STEAP2: variants seen among roughly 807,000 people sequenced by gnomAD.
The protein encoded by STEAP2 is metalloreductase STEAP2.
STEAP2 carries 30 observed loss-of-function variants against 46.4 expected under a neutral mutation model. The observed-to-expected ratio is 0.65, with a 90% confidence interval of 0.48 to 0.88. The LOEUF (loss-of-function observed/expected upper bound fraction) is 0.88. Ranked by LOEUF, STEAP2 falls within the 40% of genes least tolerant of loss-of-function variation. The pLI is 0.00. For missense variants in STEAP2, 513 were observed against 579.3 expected (o/e 0.89, Z 1.18); for synonymous variants, 180 against 200.5 (o/e 0.90, Z 0.86).
At chr7:90,232,188 A>G in intron 5 of STEAP2, 149 bp from the exon 6 acceptor site, 1 of 865,806 alleles carries the variant, frequency 1.2e-6, no homozygotes, top group Non-Finnish European at 1.5e-6. Context: ...ATATTATTTA[A>G]TTCAGTAGAG....
In STEAP2 at chr7:90,234,111, A is replaced by G. The variant is rs1795870081; in HGVS notation, c.*1487A>G. ...TCCTGAGAAGTTCTCCTGCCTGCATAACCATTCATTAGGGAGTACTTTACA... is the reference window on the plus strand; with the variant it reads ...TCCTGAGAAGTTCTCCTGCCTGCATGACCATTCATTAGGGAGTACTTTACA... On this transcript the variant is annotated 3_prime_UTR_variant, in exon 6 of 6. Transcript: ENST00000394621. 1 of 985,260 alleles carries G rather than the reference A, an allele frequency of 1.0e-6. No individual in the cohort carries two copies. The highest frequency in any genetic ancestry group is 6.2e-5 in the Admixed American group (1 of 16,260). The allele number at this position is 985,260 out of a possible 1,614,324, so 61.0% of individuals were successfully genotyped here. A position where few individuals can be genotyped will look rare whatever the true frequency, so the allele number is the denominator to read the frequency against.
chr7:90,222,229 G>GGTA lies in STEAP2; in HGVS notation c.-33-2821_-33-2820insGTA, dbSNP rs747553214. On this transcript the variant is annotated intron_variant, in intron 2 of 5. Coordinates refer to ENST00000394621, the MANE Select transcript of STEAP2 (RefSeq NM_001244944.2). Reference sequence around the variant, plus strand: ...TCCTACCCTGGTACCTCTGACTCCTGCCTGCCTTTCTGGGTGCATGGACCA... The same window carrying GGTA: ...TCCTACCCTGGTACCTCTGACTCCTGGTACCTGCCTTTCTGGGTGCATGGACCA... Among the ~76,000 whole-genome samples the GGTA allele has an allele frequency of 2.5e-4, 38 of 152,076 alleles. No individual in the cohort carries two copies. In the Middle Eastern group the frequency reaches 0.024, roughly 95 times the overall value.
chr7:90,222,008 A>G (rs1490069932), intron 2 of STEAP2, among the ~76,000 whole-genome samples: 1 of 152,186 alleles, frequency 6.6e-6, no homozygotes, highest in Admixed American at 6.5e-5. Flanking sequence ...ACTCAGAAGA[A>G]CTCCAGGCTG....
chr7:90,237,416 A>G lies in STEAP2; in HGVS notation c.*4792A>G. ...TGATTTTCCATTGTCAATTAGTTAT[A>G]CTCATTTTCCTGCCTTGATCTTTCA... On this transcript the variant is annotated 3_prime_UTR_variant, in exon 6 of 6. Transcript: ENST00000394621. The G allele has an allele frequency of 6.5e-6, 1 of 154,620 alleles. No individual in the cohort carries two copies. Among genetic ancestry groups the G allele is most frequent in the East Asian group, 1.9e-4 (1 of 5,198 alleles). 9.6% of individuals were successfully genotyped at this position (154,620 alleles called of 1,614,324 possible). A position where few individuals can be genotyped will look rare whatever the true frequency, so the allele number is the denominator to read the frequency against.
chr7:90,223,589 G>A (rs944298551), intron 2 of STEAP2, among the ~76,000 whole-genome samples: 3 of 152,156 alleles, frequency 2.0e-5, no homozygotes, highest in African/African-American at 4.8e-5. Context: ...ATATGCTTGC[G>A]CTCTGAACTC....
At chr7:90,238,038 G>A (rs1190724949), downstream of STEAP2, 4 of 715,552 alleles carry the variant, frequency 5.6e-6, no homozygotes, top group Admixed American at 2.0e-5. Flanking sequence ...TTATCATCCC[G>A]CATCCATGCA....
At chr7:90,219,966 A>C (rs1246226703) in intron 2 of STEAP2, among the ~76,000 whole-genome samples, 2 of 152,154 alleles carry the variant, frequency 1.3e-5, no homozygotes, top group Non-Finnish European at 2.9e-5. Context: ...GCTTCAATCC[A>C]TCCTCCTGCA....
downstream of STEAP2, among the ~76,000 whole-genome samples, chr7:90,241,667 T>C (rs1407800331): frequency 6.6e-6 from 1 of 152,188 alleles, no homozygotes; most frequent in African/African-American, 2.4e-5. Context: ...ACGATTCTGA[T>C]ACACATTAGG....
In STEAP2 at chr7:90,229,930, A is replaced by G. The variant is rs934385676; in HGVS notation, c.1079A>G (p.Tyr360Cys). The G allele has an allele frequency of 8.7e-6, 14 of 1,613,496 alleles. No individual in the cohort carries two copies. Among genetic ancestry groups the G allele is most frequent in the African/African-American group, 1.3e-5 (1 of 74,898 alleles). The change falls in exon 5 of 6, where the codon TAT (tyrosine) becomes TGT (cysteine). Residue 360 changes from tyrosine to cysteine, a missense_variant. By Grantham distance (194) the Tyr-to-Cys change is radical (BLOSUM62 -2). Transcript: ENST00000394621. ...GAAGAAGTTTGGAGAATTGAAATGT[A>G]TATCTCCTTTGGCATAATGAGCCTT... Reference protein sequence around the residue: ...NEEEVWRIEMYISFGIMSLGL... With the variant: ...NEEEVWRIEMCISFGIMSLGL...
intron 2 of STEAP2, among the ~76,000 whole-genome samples, chr7:90,218,892 C>T (rs1289918563): frequency 7.9e-5 from 12 of 152,052 alleles, no homozygotes; most frequent in African/African-American, 2.7e-4. Context: ...TTAATTCTTC[C>T]AATCCATAAG....
rs768697071 is a variant in STEAP2 at position 90,233,471 on chromosome 7, C to G, written c.*847C>G. The G allele has an allele frequency of 3.0e-6, 3 of 985,306 alleles. No individual in the cohort carries two copies. Among genetic ancestry groups the G allele is most frequent in the Non-Finnish European group, 3.6e-6 (3 of 829,956 alleles). 61.0% of individuals were successfully genotyped at this position (985,306 alleles called of 1,614,324 possible). On this transcript the variant is annotated 3_prime_UTR_variant, in exon 6 of 6. Transcript: ENST00000394621. The stretch of plus-strand genomic sequence containing the variant: ...AGTTTGCACACAAGTAATCTGCCAG[C>G]TGACCTTTGTCGCACCTTAACCAGT...
chr7:90,213,099 T>A (rs1794884878), intron 1 of STEAP2, among the ~76,000 whole-genome samples: 1 of 152,210 alleles, frequency 6.6e-6, no homozygotes, highest in Admixed American at 6.5e-5. Flanking sequence ...TGCAGGATGT[T>A]TAGAAACATA....
In STEAP2 at chr7:90,236,807, A is replaced by C; in HGVS notation, c.*4183A>C. 1 of 1,579,456 alleles carries C rather than the reference A, an allele frequency of 6.3e-7. No homozygotes were observed. Among genetic ancestry groups the C allele is most frequent in the Admixed American group, 1.8e-5 (1 of 56,094 alleles). On this transcript the variant is annotated 3_prime_UTR_variant, in exon 6 of 6. Coordinates refer to ENST00000394621, the MANE Select transcript of STEAP2 (RefSeq NM_001244944.2). The stretch of plus-strand genomic sequence containing the variant: ...ATTCTTCCAGTGGCCAGATGAGCTA[A>C]ATTAAATCACAAAAGCAGATGCTTT...
At position 90,235,231 on chromosome 7, in the gene STEAP2, A is replaced by G. The variant is rs1795921565; in HGVS notation, c.*2607A>G. 3.0e-6 allele frequency: 3 copies of G among 983,688 alleles called. No individual in the cohort carries two copies. In the African/African-American group the frequency reaches 5.2e-5, roughly 17 times the overall value. 60.9% of individuals were successfully genotyped at this position (983,688 alleles called of 1,614,324 possible). ...AAACAAACTTGTGAAAATGTATAAAAGATGCATCTGTTGTTTCAAATGGCA... is the reference window on the plus strand; with the variant it reads ...AAACAAACTTGTGAAAATGTATAAAGGATGCATCTGTTGTTTCAAATGGCA... On this transcript the variant is annotated 3_prime_UTR_variant, in exon 6 of 6. Transcript: ENST00000394621.
chr7:90,217,408 C>G (rs1482284471), intron 2 of STEAP2, among the ~76,000 whole-genome samples: 3 of 152,106 alleles, frequency 2.0e-5, no homozygotes, highest in Non-Finnish European at 4.4e-5. Flanking sequence ...TCCTCCCCTC[C>G]TCCCATCAAC....
chr7:90,241,271 C>G (rs1796056458), downstream of STEAP2, among the ~76,000 whole-genome samples: 2 of 152,116 alleles, frequency 1.3e-5, no homozygotes, highest in South Asian at 4.1e-4. Flanking sequence ...AATGGAGATT[C>G]TGAGTCAGTA....
At chr7:90,232,199 G>C (rs909961337) in intron 5 of STEAP2, 138 bp from the exon 6 acceptor site, 1 of 1,052,662 alleles carries the variant, frequency 9.5e-7, no homozygotes, top group Non-Finnish European at 1.2e-6. Context: ...TTCAGTAGAG[G>C]ACAAAGGTTA....
At chr7:90,216,238 G>A (rs1030420575) in intron 1 of STEAP2, 4 of 152,234 alleles carry the variant, frequency 2.6e-5, no homozygotes, top group East Asian at 3.9e-4. Flanking sequence ...TTTTAAAGAG[G>A]TCCCCAGGTG....
At chr7:90,230,186 T>C in intron 5 of STEAP2, 150 bp downstream of exon 5, 1 of 1,463,286 alleles carries the variant, frequency 6.8e-7, no homozygotes, top group Non-Finnish European at 9.1e-7. Flanking sequence ...CAGCTTAGGA[T>C]TGCTCTGGTT....
Sources: allele counts gnomAD v4.1 joint callset (sites outside exome capture counted in the v4.1 genomes callset), GRCh38; gene constraint gnomAD v4.1.1; transcripts MANE v1.5; gene names NCBI Gene and HGNC (gene_info 2026-07-23, HGNC 2026-07-21).